The following PTGFR variants were observed in gnomAD, a reference collection of about 807,000 sequenced individuals.
The protein encoded by PTGFR is prostaglandin F2-alpha receptor.
Under a neutral mutation model 26.2 loss-of-function variants are expected in PTGFR, and 15 were observed. The ratio of observed to expected loss-of-function variants is 0.57; its 90% CI spans 0.38 to 0.88. The LOEUF is 0.88. Ranked by LOEUF, PTGFR falls within the 40% of genes least tolerant of loss-of-function variation. The pLI is 0.00. For missense variants in PTGFR, 369 were observed against 427.2 expected, an observed-to-expected ratio of 0.86 and a Z score of 1.20; for synonymous variants, 165 against 151.1, an observed-to-expected ratio of 1.09 and a Z score of -0.68.
chr1:78,493,683 C>T (rs1463296708), intron 2 of PTGFR, 142 bp downstream of exon 2: 4 of 795,616 alleles, frequency 5.0e-6, no homozygotes, highest in Middle Eastern at 2.9e-4. Flanking sequence ...CTTAGAATTA[C>T]ATGACATATG....
At position 78,511,833 on chromosome 1, in the gene PTGFR, T is replaced by C. The variant is rs554621666; in HGVS notation, c.798+18292T>C. Among the ~76,000 whole-genome samples the C allele has an allele frequency of 4.6e-5, 7 of 152,328 alleles. No homozygotes were observed. The East Asian group carries it at 1.2e-3, about 25-fold the overall frequency. ...GTTCCAACTTCAAGTCATTCCTTTG[T>C]CCCTGTATCTGATCATAGGCTGTTA... On this transcript the variant is annotated intron_variant, in intron 2 of 2. Transcript: ENST00000370757.
In PTGFR at chr1:78,505,547, TA is replaced by T. The variant is rs370547199; in HGVS notation, c.798+12008del. 3.5e-3 allele frequency among the ~76,000 whole-genome samples: 530 copies of T among 152,346 alleles called. 5 individuals are homozygous for T. The highest frequency in any genetic ancestry group is 0.012 in the African/African-American group (516 of 41,586). ...GTTATTTATTGTGGGAAAATTTACA[TA>T]ATATAACATTTACCATTTTAACCAT... is the stretch of plus-strand genomic sequence containing the variant. On this transcript the variant is annotated intron_variant, in intron 2 of 2. Coordinates refer to ENST00000370757, the MANE Select transcript of PTGFR (RefSeq NM_000959.4).
chr1:78,536,242 C>A (rs901670824), intron 2 of PTGFR, among the ~76,000 whole-genome samples, 164 bp from the exon 3 acceptor site: 2 of 152,072 alleles, frequency 1.3e-5, no homozygotes, highest in African/African-American at 4.8e-5. Context: ...TCATTTGTCT[C>A]CATCAGTGTT....
At position 78,538,653 on chromosome 1, in the gene PTGFR, T is replaced by C. The variant is rs985279450; in HGVS notation, c.*1966T>C. On this transcript the variant is annotated 3_prime_UTR_variant, in exon 3 of 3. Coordinates refer to ENST00000370757, the MANE Select transcript of PTGFR (RefSeq NM_000959.4). ...CTTAAGAGTTTCATTTCTGTTATTA[T>C]ATGTGTTGCATGTAGCTTGGCGATT... The C allele has an allele frequency of 1.3e-5, 2 of 152,122 alleles. No individual in the cohort carries two copies. Among genetic ancestry groups the C allele is most frequent in the Admixed American group, 6.6e-5 (1 of 15,248 alleles). The allele number at this position is 152,122 out of a possible 1,614,324, so 9.4% of individuals were successfully genotyped here.
At chr1:78,497,175 G>A (rs1291824616) in intron 2 of PTGFR, among the ~76,000 whole-genome samples, 2 of 152,208 alleles carry the variant, frequency 1.3e-5, no homozygotes, top group East Asian at 3.9e-4. Flanking sequence ...ATGTAGAAAT[G>A]TAGTACAAAC....
intron 2 of PTGFR, among the ~76,000 whole-genome samples, chr1:78,500,023 G>T (rs973117591): frequency 5.9e-5 from 9 of 151,842 alleles, no homozygotes; most frequent in African/African-American, 2.2e-4. Context: ...CTTTAACACT[G>T]ATGTTTTCTC....
chr1:78,536,612 T>C lies in PTGFR; in HGVS notation c.1005T>C (p.Leu335=). The C allele has an allele frequency of 6.2e-7, 1 of 1,613,330 alleles. No homozygotes were observed. The highest frequency in any genetic ancestry group is 8.5e-7 in the Non-Finnish European group (1 of 1,179,554). ...VHVISLHIWE[L]SSIKNSLKVA... is the part of the protein sequence containing the mutation. ...TCATCAGCTTACATATTTGGGAGCT[T>C]AGTTCCATTAAAAATTCCTTAAAGG... Residue 335 remains leucine (L), a synonymous_variant, in exon 3 of 3, where the codon CTT becomes CTC. Transcript: ENST00000370757.
chr1:78,492,243 T>G (rs1390586951), intron 1 of PTGFR, among the ~76,000 whole-genome samples: 1 of 152,228 alleles, frequency 6.6e-6, no homozygotes, highest in African/African-American at 2.4e-5. Context: ...AGGAATAATC[T>G]GCAGTTTGGG....
In PTGFR at chr1:78,539,449, T is replaced by C. The variant is rs1180070261; in HGVS notation, c.*2762T>C. 2 of 152,528 alleles carry C rather than the reference T, an allele frequency of 1.3e-5. No individual in the cohort carries two copies. Among genetic ancestry groups the C allele is most frequent in the African/African-American group, 2.4e-5 (1 of 41,450 alleles). 9.4% of individuals were successfully genotyped at this position (152,528 alleles called of 1,614,324 possible). A position where few individuals can be genotyped will look rare whatever the true frequency, so the allele number is the denominator to read the frequency against. On this transcript the variant is annotated 3_prime_UTR_variant, in exon 3 of 3. Coordinates refer to ENST00000370757, the MANE Select transcript of PTGFR (RefSeq NM_000959.4). ...TAAATAACTGTTTTGGGTCAGAATATAAATGCTGGGAATATACATTTTATT... is the reference window on the plus strand; with the variant it reads ...TAAATAACTGTTTTGGGTCAGAATACAAATGCTGGGAATATACATTTTATT...
At chr1:78,530,609 C>A (rs1472976335) in intron 2 of PTGFR, among the ~76,000 whole-genome samples, 1 of 152,106 alleles carries the variant, frequency 6.6e-6, no homozygotes, top group East Asian at 1.9e-4. Context: ...AGCAAGTTAA[C>A]CTCTCTGTAC....
At chr1:78,501,743 C>T (rs114624912) in intron 2 of PTGFR, among the ~76,000 whole-genome samples, 1,524 of 152,146 alleles carry the variant, frequency 0.01, 33 homozygotes, top group African/African-American at 0.035. Context: ...AGAGTATAGG[C>T]GGGGAGCATG....
At chr1:78,509,259 A>G (rs1296618481) in intron 2 of PTGFR, among the ~76,000 whole-genome samples, 1 of 152,160 alleles carries the variant, frequency 6.6e-6, no homozygotes, top group Non-Finnish European at 1.5e-5. Context: ...CAGGAATATG[A>G]TGCTGACAAT....
chr1:78,502,690 G>T lies in PTGFR; in HGVS notation c.798+9149G>T, dbSNP rs532551056. Among the ~76,000 whole-genome samples the T allele has an allele frequency of 2.0e-5, 3 of 152,222 alleles. No homozygotes were observed. The South Asian group carries it at 6.2e-4, about 32-fold the overall frequency. On this transcript the variant is annotated intron_variant, in intron 2 of 2. Coordinates refer to ENST00000370757, the MANE Select transcript of PTGFR (RefSeq NM_000959.4). Reference sequence around the variant, plus strand: ...ATAATGGGAATTATAAGAGGGATTTGTCACTTCTAATTTGGTGATCCATAA... The same window carrying T: ...ATAATGGGAATTATAAGAGGGATTTTTCACTTCTAATTTGGTGATCCATAA...
At chr1:78,502,240 A>G (rs1266922840) in intron 2 of PTGFR, among the ~76,000 whole-genome samples, 1 of 152,158 alleles carries the variant, frequency 6.6e-6, no homozygotes, top group Non-Finnish European at 1.5e-5. Flanking sequence ...AGTAAAGGAT[A>G]AAGATCTTTC....
chr1:78,534,930 C>T (rs1396172836), intron 2 of PTGFR, among the ~76,000 whole-genome samples: 2 of 152,048 alleles, frequency 1.3e-5, no homozygotes, highest in African/African-American at 2.4e-5. Flanking sequence ...AAATACTCTC[C>T]CCACATTTAT....
At chr1:78,522,360 C>T (rs1003697907) in intron 2 of PTGFR, among the ~76,000 whole-genome samples, 4 of 152,000 alleles carry the variant, frequency 2.6e-5, no homozygotes, top group African/African-American at 9.7e-5. Flanking sequence ...TCGGCCATGC[C>T]ATATAATATA....
At chr1:78,500,124 T>C (rs1284314204) in intron 2 of PTGFR, among the ~76,000 whole-genome samples, 1 of 152,164 alleles carries the variant, frequency 6.6e-6, no homozygotes, top group Non-Finnish European at 1.5e-5. Flanking sequence ...GAACTTACTT[T>C]GAGTAAAGAC....
intron 2 of PTGFR, among the ~76,000 whole-genome samples, chr1:78,514,378 A>G (rs566955740): frequency 7.2e-5 from 11 of 152,266 alleles, no homozygotes; most frequent in East Asian, 5.8e-4. Context: ...TTAAGATTTA[A>G]TGACTGGCTG....
chr1:78,540,204 C>CTG lies in PTGFR; in HGVS notation c.*3519_*3520dup, dbSNP rs1650763015. On this transcript the variant is annotated 3_prime_UTR_variant, in exon 3 of 3. Coordinates refer to ENST00000370757, the MANE Select transcript of PTGFR (RefSeq NM_000959.4). ...CAGAGCATGGTGAATCACACACAGG[C>CTG]TGTTAGAATATCCATCTGGAGGCAA... Among the ~76,000 whole-genome samples, 1 of 152,078 alleles carries CTG rather than the reference C, an allele frequency of 6.6e-6. No homozygotes were observed. Among genetic ancestry groups the CTG allele is most frequent in the Non-Finnish European group, 1.5e-5 (1 of 68,014 alleles).
Sources: gnomAD v4.1 joint callset for allele counts (sites outside exome capture counted in the v4.1 genomes callset) on GRCh38, gnomAD v4.1.1 for gene constraint, MANE v1.5 for transcripts, NCBI Gene and HGNC (gene_info 2026-07-23, HGNC 2026-07-21) for gene names.